MAP3K1: variants seen among roughly 807,000 people sequenced by gnomAD.
MAP3K1 encodes mitogen-activated protein kinase kinase kinase 1, also known as MAP/ERK kinase kinase 1.
Under a neutral mutation model 144.2 loss-of-function variants are expected in MAP3K1, and 36 were observed. The ratio of observed to expected loss-of-function variants is 0.25; its 90% CI spans 0.19 to 0.33. The LOEUF is 0.33. MAP3K1 is among the 10% of genes least tolerant of loss of function. The probability of loss-of-function intolerance (pLI) is 1.00; values close to 1 mark genes in which losing one functional copy is unlikely to be tolerated. For synonymous variants in MAP3K1, 718 were observed against 688.7 expected (o/e 1.04, Z -0.67); for missense variants, 1,650 against 1,881.9 (o/e 0.88, Z 2.28).
In MAP3K1 at chr5:56,885,875, A is replaced by G. The variant is rs570626032; in HGVS notation, c.3983-57A>G. 143 of 1,511,870 alleles carry G rather than the reference A, an allele frequency of 9.5e-5. 3 individuals are homozygous for G. The Middle Eastern group carries it at 1.2e-3, about 13-fold the overall frequency. The allele number at this position is 1,511,870 out of a possible 1,614,324, so 93.7% of individuals were successfully genotyped here. A position where few individuals can be genotyped will look rare whatever the true frequency, so the allele number is the denominator to read the frequency against. The stretch of plus-strand genomic sequence containing the variant: ...GTGAAAACTTTAGAAACCAAAGTGT[A>G]ATAAATACTTTTAATTCTGTCTTAA... On this transcript the variant is annotated intron_variant, in intron 16 of 19. Coordinates refer to ENST00000399503, the MANE Select transcript of MAP3K1 (RefSeq NM_005921.2).
Position 56,895,993 on chromosome 5 carries a change from A to T in MAP3K1, c.*2313A>T, listed in dbSNP as rs1748692024. The T allele has an allele frequency of 8.7e-6, 2 of 229,210 alleles. No homozygotes were observed. The highest frequency in any genetic ancestry group is 2.7e-3 in the Middle Eastern group (2 of 754). 14.2% of individuals were successfully genotyped at this position (229,210 alleles called of 1,614,324 possible). A position where few individuals can be genotyped will look rare whatever the true frequency, so the allele number is the denominator to read the frequency against. ...AAATGTTACAAAAAAAAAAAAAAAA[A>T]ATCTCTGGGTTAAGAAAATTTGGCT... On this transcript the variant is annotated 3_prime_UTR_variant, in exon 20 of 20. Coordinates refer to ENST00000399503, the MANE Select transcript of MAP3K1 (RefSeq NM_005921.2).
At chr5:56,825,564 TG>T (rs1183344034) in intron 1 of MAP3K1, among the ~76,000 whole-genome samples, 1 of 152,196 alleles carries the variant, frequency 6.6e-6, no homozygotes, top group East Asian at 1.9e-4. Context: ...GCTGCATCTC[TG>T]CCCTGCTCAG....
intron 1 of MAP3K1, 81 bp downstream of exon 1, chr5:56,816,136 G>A: frequency 1.7e-6 from 2 of 1,150,018 alleles, no homozygotes; most frequent in Non-Finnish European, 2.2e-6. Flanking sequence ...ACCATGCACG[G>A]CGTCCCGGGG....
At position 56,815,881 on chromosome 5, in the gene MAP3K1, C is replaced by G. The variant is rs1039542324; in HGVS notation, c.308C>G (p.Thr103Ser). Residue 103 changes from threonine (T) to serine (S), a missense_variant, in exon 1 of 20, where the codon ACC (threonine) becomes AGC (serine). Around this residue, in one of 6 missense-constraint regions of MAP3K1, gnomAD observed 360 missense variants for 274.7 expected, o/e 1.31. Transcript: ENST00000399503. ...PEPADAAGSG[T>S]GFQPVAVPPP... ...CCCGCGGACGCAGCGGGGAGTGGGA[C>G]CGGCTTCCAGCCTGTGGCGGTGCCG... The G allele has an allele frequency of 1.9e-5, 26 of 1,377,062 alleles. No homozygotes were observed. In the African/African-American group the frequency reaches 2.7e-4, roughly 14 times the overall value. The allele number at this position is 1,377,062 out of a possible 1,614,324, so 85.3% of individuals were successfully genotyped here. A position where few individuals can be genotyped will look rare whatever the true frequency, so the allele number is the denominator to read the frequency against.
Position 56,881,846 on chromosome 5 carries a change from C to A in MAP3K1, c.2646C>A (p.Asp882Glu). The change falls in exon 14 of 20, where the codon GAC becomes GAA. Residue 882 changes from aspartate (D) to glutamate (E), a missense_variant. Asp to Glu is a conservative substitution (Grantham distance 45, BLOSUM62 2). This residue lies in a region of MAP3K1 where 841 missense variants were observed against 886.5 expected (regional missense o/e 0.95). Coordinates refer to ENST00000399503, the MANE Select transcript of MAP3K1 (RefSeq NM_005921.2). The stretch of plus-strand genomic sequence containing the variant: ...AAGACACTTTGGATGGTCAACAGGA[C>A]AGCTTCTTGCAGGCATCTGTTCCCA... ...GVEDTLDGQQDSFLQASVPNN... is the reference protein window; with the variant it reads ...GVEDTLDGQQESFLQASVPNN... The A allele has an allele frequency of 6.2e-7, 1 of 1,614,072 alleles. No individual in the cohort carries two copies. Among genetic ancestry groups the A allele is most frequent in the Non-Finnish European group, 8.5e-7 (1 of 1,179,996 alleles).
intron 1 of MAP3K1, among the ~76,000 whole-genome samples, chr5:56,834,428 A>G (rs1439208622): frequency 5.9e-5 from 9 of 152,214 alleles, no homozygotes; most frequent in Admixed American, 5.2e-4. Flanking sequence ...ACAGGATTCT[A>G]TGTGTATGCC....
intron 1 of MAP3K1, among the ~76,000 whole-genome samples, chr5:56,830,896 A>G (rs1253693565): frequency 6.6e-6 from 1 of 150,658 alleles, no homozygotes; most frequent in Non-Finnish European, 1.5e-5. Context: ...TTTTTTTTTT[A>G]AATACCTAGT....
rs767907515 is a variant in MAP3K1, at chr5:56,871,169, A to G, written c.1302-741A>G. Among the ~76,000 whole-genome samples, 50 of 152,242 alleles carry G rather than the reference A, an allele frequency of 3.3e-4. 1 individual carries two copies. In the Middle Eastern group the frequency reaches 0.014, roughly 41 times the overall value. On this transcript the variant is annotated intron_variant, in intron 6 of 19. Coordinates refer to ENST00000399503, the MANE Select transcript of MAP3K1 (RefSeq NM_005921.2). ...ATTTTGCCATAAATGGAATCATCCTATACATGGTAGTTTTATTTTGACCTC... is the reference window on the plus strand; with the variant it reads ...ATTTTGCCATAAATGGAATCATCCTGTACATGGTAGTTTTATTTTGACCTC...
chr5:56,892,484 T>G (rs538002306), intron 19 of MAP3K1, among the ~76,000 whole-genome samples: 1 of 152,246 alleles, frequency 6.6e-6, no homozygotes, highest in East Asian at 1.9e-4. Flanking sequence ...AAAAAATTGA[T>G]AACAATTATA....
chr5:56,880,374 G>A (rs975337925), intron 11 of MAP3K1, among the ~76,000 whole-genome samples: 2 of 152,092 alleles, frequency 1.3e-5, no homozygotes, highest in African/African-American at 4.8e-5. Flanking sequence ...GCTTCTTAGT[G>A]AAAGTTCAGA....
At chr5:56,818,319 A>G (rs1213728510) in intron 1 of MAP3K1, among the ~76,000 whole-genome samples, 1 of 152,130 alleles carries the variant, frequency 6.6e-6, no homozygotes, top group Non-Finnish European at 1.5e-5. Context: ...AAAACCCTTA[A>G]TTATAGCCAA....
At chr5:56,829,317 G>GA (rs1387161111) in intron 1 of MAP3K1, among the ~76,000 whole-genome samples, 1 of 151,526 alleles carries the variant, frequency 6.6e-6, no homozygotes, top group Non-Finnish European at 1.5e-5. Context: ...TGCGTAGCTG[G>GA]GACCACAGGT....
chr5:56,828,687 A>T (rs1277189821), intron 1 of MAP3K1, among the ~76,000 whole-genome samples: 1 of 152,194 alleles, frequency 6.6e-6, no homozygotes. Context: ...TGTTTAGCAA[A>T]TACTACCTTA....
chr5:56,884,339 TAATC>T (rs1748313639), intron 15 of MAP3K1, among the ~76,000 whole-genome samples: 1 of 152,148 alleles, frequency 6.6e-6, no homozygotes, highest in Non-Finnish European at 1.5e-5. Flanking sequence ...CGAGCATACT[TAATC>T]AGGATAGGAA....
At chr5:56,819,431 A>G (rs1489754883) in intron 1 of MAP3K1, among the ~76,000 whole-genome samples, 1 of 71,302 alleles carries the variant, frequency 1.4e-5, no homozygotes, top group African/African-American at 4.2e-5. Flanking sequence ...TTTGCTTTCA[A>G]CAAGAGCAAA....
chr5:56,854,842 G>T (rs183916316), intron 1 of MAP3K1, among the ~76,000 whole-genome samples: 48 of 152,308 alleles, frequency 3.2e-4, no homozygotes, highest in Admixed American at 1.3e-3. Flanking sequence ...GGAGTTTCTG[G>T]TATAAAAATG....
chr5:56,865,379 C>G lies in MAP3K1; in HGVS notation c.1075C>G (p.Leu359Val). Residue 359 changes from leucine to valine, a missense_variant, in exon 5 of 20, where the codon CTA (leucine) becomes GTA (valine). Around this residue, in one of 6 missense-constraint regions of MAP3K1, gnomAD observed 125 missense variants for 179.9 expected, o/e 0.69. Coordinates refer to ENST00000399503, the MANE Select transcript of MAP3K1 (RefSeq NM_005921.2). ...ACGTGGAACATTCTGTATTCATCTG[C>G]TATTTGTGATGCTCCGGGTGTTTCA... Reference protein sequence around the residue: ...CARGTFCIHLLFVMLRVFQLE... With the variant: ...CARGTFCIHLVFVMLRVFQLE... 6.2e-7 allele frequency: 1 copy of G among 1,610,870 alleles called. No homozygotes were observed. The highest frequency in any genetic ancestry group is 1.3e-5 in the African/African-American group (1 of 74,936).
At chr5:56,832,811 A>AT (rs753848359) in intron 1 of MAP3K1, among the ~76,000 whole-genome samples, 1 of 152,220 alleles carries the variant, frequency 6.6e-6, no homozygotes, top group South Asian at 2.1e-4. Flanking sequence ...TTTAAATTAA[A>AT]TTATCTATTT....
intron 14 of MAP3K1, 83 bp from the exon 15 acceptor site, chr5:56,883,444 G>GA: frequency 7.3e-7 from 1 of 1,375,288 alleles, no homozygotes; most frequent in Non-Finnish European, 1.0e-6. Context: ...AAGCCAGACT[G>GA]AATAAGAATA....
Sources: gnomAD v4.1 joint callset for allele counts (sites outside exome capture counted in the v4.1 genomes callset) on GRCh38, gnomAD v4.1.1 for gene constraint, gnomAD v4.1.1 regional missense constraint, MANE v1.5 for transcripts, NCBI Gene and HGNC (gene_info 2026-07-23, HGNC 2026-07-21) for gene names.